PIGK: variants seen among roughly 807,000 people sequenced by gnomAD.
The protein encoded by PIGK is phosphatidylinositol glycan anchor biosynthesis class K, also known as GPI-anchor transamidase.
Under a neutral mutation model 50.6 loss-of-function variants are expected in PIGK, and 42 were observed. The ratio of observed to expected loss-of-function variants is 0.83; its 90% confidence interval spans 0.65 to 1.07. PIGK has a LOEUF of 1.07. PIGK is among the 50% of genes least tolerant of loss of function. PIGK has a pLI of 0.00. For missense variants in PIGK, 448 were observed against 488.7 expected, an observed-to-expected ratio of 0.92 and a Z score of 0.78; for synonymous variants, 151 against 156.0, an observed-to-expected ratio of 0.97 and a Z score of 0.24.
chr1:77,101,954 A>G (rs1653553469), intron 10 of PIGK, among the ~76,000 whole-genome samples: 1 of 152,162 alleles, frequency 6.6e-6, no homozygotes, highest in South Asian at 2.1e-4. Context: ...CAGTGAGCTG[A>G]GATGGTGCCA....
intron 3 of PIGK, among the ~76,000 whole-genome samples, chr1:77,186,502 T>C (rs1338134971): frequency 6.6e-6 from 1 of 152,138 alleles, no homozygotes; most frequent in Non-Finnish European, 1.5e-5. Context: ...GGAAAATTGG[T>C]GACAAAGAAA....
intron 3 of PIGK, among the ~76,000 whole-genome samples, chr1:77,204,722 A>C (rs1656251229): frequency 6.6e-6 from 1 of 152,180 alleles, no homozygotes; most frequent in South Asian, 2.1e-4. Flanking sequence ...TTGAAATATC[A>C]GGGGCTGATT....
chr1:77,219,412 C>T lies in PIGK; in HGVS notation c.-10G>A, dbSNP rs1314342676. 4 of 1,611,824 alleles carry T rather than the reference C, an allele frequency of 2.5e-6. No homozygotes were observed. Among genetic ancestry groups the T allele is most frequent in the Non-Finnish European group, 3.4e-6 (4 of 1,178,606 alleles). Reference sequence around the variant, plus strand: ...TGTCGGTGACGGCCATGTTTACCGGCTTCAGACTTCCCGCACCTGAAGGGG... The same window carrying T: ...TGTCGGTGACGGCCATGTTTACCGGTTTCAGACTTCCCGCACCTGAAGGGG... On this transcript the variant is annotated 5_prime_UTR_variant, in exon 1 of 11. Coordinates refer to ENST00000370812, the MANE Select transcript of PIGK (RefSeq NM_005482.3).
At chr1:77,139,154 G>A (rs545233497) in intron 9 of PIGK, among the ~76,000 whole-genome samples, 1 of 152,052 alleles carries the variant, frequency 6.6e-6, no homozygotes, top group Non-Finnish European at 1.5e-5. Flanking sequence ...CAAAACTCTA[G>A]GTTTCTATAT....
At chr1:77,106,638 A>G (rs1356568427) in intron 10 of PIGK, among the ~76,000 whole-genome samples, 5 of 152,092 alleles carry the variant, frequency 3.3e-5, no homozygotes, top group African/African-American at 4.8e-5. Context: ...GGTTTACTCA[A>G]TGACAATAAC....
intron 3 of PIGK, among the ~76,000 whole-genome samples, chr1:77,193,525 T>G (rs888186852): frequency 8.5e-5 from 13 of 152,304 alleles, no homozygotes; most frequent in Admixed American, 7.2e-4. Context: ...TCATCATTTA[T>G]TCATCCTAGT....
intron 5 of PIGK, 70 bp from the exon 6 acceptor site, chr1:77,164,012 TAC>T: frequency 3.9e-6 from 3 of 760,112 alleles, no homozygotes; most frequent in Non-Finnish European, 6.6e-6. Context: ...TATATACATT[TAC>T]TTCATTCATT....
At chr1:77,117,742 T>A (rs1206786351) in intron 10 of PIGK, among the ~76,000 whole-genome samples, 1 of 152,224 alleles carries the variant, frequency 6.6e-6, no homozygotes, top group Non-Finnish European at 1.5e-5. Flanking sequence ...CATCTGTCAT[T>A]CTCTTTTCCA....
intron 9 of PIGK, among the ~76,000 whole-genome samples, chr1:77,148,331 T>C (rs559199189): frequency 1.6e-3 from 250 of 152,298 alleles, no homozygotes; most frequent in Admixed American, 3.7e-3. Flanking sequence ...AGTACACCAA[T>C]AATTATGAAG....
chr1:77,180,041 T>C (rs1454035948), intron 3 of PIGK, among the ~76,000 whole-genome samples: 1 of 152,068 alleles, frequency 6.6e-6, no homozygotes, highest in Non-Finnish European at 1.5e-5. Context: ...AAAAAGAAGC[T>C]ACTCTAAAGA....
chr1:77,109,863 C>G (rs565310643), intron 10 of PIGK, among the ~76,000 whole-genome samples: 16 of 152,258 alleles, frequency 1.1e-4, no homozygotes, highest in African/African-American at 3.9e-4. Flanking sequence ...TAGAAAACCC[C>G]ATTGTCTCAG....
intron 9 of PIGK, among the ~76,000 whole-genome samples, chr1:77,143,483 A>G (rs1056382453): frequency 6.6e-6 from 1 of 152,072 alleles, no homozygotes; most frequent in Admixed American, 6.5e-5. Flanking sequence ...GGTCTGTATC[A>G]TTTACCAGGT....
intron 9 of PIGK, among the ~76,000 whole-genome samples, chr1:77,152,663 C>G (rs1262483610): frequency 6.7e-6 from 1 of 150,096 alleles, no homozygotes; most frequent in Non-Finnish European, 1.5e-5. Flanking sequence ...TGGCAAAAAA[C>G]AAAACAAAAC....
chr1:77,101,105 G>T (rs1653530627), intron 10 of PIGK, among the ~76,000 whole-genome samples: 1 of 151,992 alleles, frequency 6.6e-6, no homozygotes, highest in Non-Finnish European at 1.5e-5. Context: ...GCCAAACCTG[G>T]ATGAATAAAC....
intron 10 of PIGK, among the ~76,000 whole-genome samples, chr1:77,120,114 C>T (rs761702201): frequency 6.6e-6 from 1 of 152,142 alleles, no homozygotes; most frequent in African/African-American, 2.4e-5. Flanking sequence ...AGATTATACA[C>T]TACAATAATG....
At chr1:77,097,221 T>C (rs1653436650) in intron 10 of PIGK, among the ~76,000 whole-genome samples, 1 of 152,088 alleles carries the variant, frequency 6.6e-6, no homozygotes, top group Non-Finnish European at 1.5e-5. Context: ...GCAGTGCTGC[T>C]CTCCTCTAGC....
chr1:77,144,084 A>G (rs1654713935), intron 9 of PIGK, among the ~76,000 whole-genome samples: 1 of 152,072 alleles, frequency 6.6e-6, no homozygotes, highest in Non-Finnish European at 1.5e-5. Flanking sequence ...TAGCTAGTAA[A>G]CGGCAGAGGA....
Position 77,156,530 on chromosome 1 carries a change from T to A in PIGK, c.814-1909A>T, listed in dbSNP as rs139907502. On this transcript the variant is annotated intron_variant, in intron 8 of 10. Coordinates refer to ENST00000370812, the MANE Select transcript of PIGK (RefSeq NM_005482.3). Reference sequence around the variant, plus strand: ...ATAAGAATCATCTATTATTCCAACTTCTGTGTATCTGCACATATTCTATTT... The same window carrying A: ...ATAAGAATCATCTATTATTCCAACTACTGTGTATCTGCACATATTCTATTT... 3.7e-3 allele frequency among the ~76,000 whole-genome samples: 571 copies of A among 152,312 alleles called. 5 individuals carry two copies. The highest frequency in any genetic ancestry group is 0.013 in the African/African-American group (541 of 41,570).
intron 1 of PIGK, 47 bp from the exon 2 acceptor site, chr1:77,210,536 A>G (rs1656394433): frequency 8.7e-7 from 1 of 1,146,112 alleles, no homozygotes; most frequent in Non-Finnish European, 1.3e-6. Flanking sequence ...ATTTCTCAGA[A>G]TAAAGACTGA....
Sources: allele counts gnomAD v4.1 joint callset (sites outside exome capture counted in the v4.1 genomes callset), GRCh38; gene constraint gnomAD v4.1.1; transcripts MANE v1.5; gene names NCBI Gene and HGNC (gene_info 2026-07-23, HGNC 2026-07-21).